The following NCKAP5 variants were observed in gnomAD, a reference collection of about 807,000 sequenced individuals.
NCKAP5 encodes NCK associated protein 5, also known as nck-associated protein 5.
A neutral mutation model predicts 167.0 loss-of-function variants in NCKAP5; 92 were observed. That is an observed-to-expected ratio of 0.55 (90% CI 0.47 to 0.66). The LOEUF (loss-of-function observed/expected upper bound fraction) is 0.66, where lower values mean the gene tolerates loss of function less well. Ranked by LOEUF, NCKAP5 falls within the 30% of genes least tolerant of loss-of-function variation. The probability of loss-of-function intolerance (pLI) is 0.00; values close to 1 mark genes in which losing one functional copy is unlikely to be tolerated. For synonymous variants in NCKAP5, 891 were observed against 877.4 expected, an observed-to-expected ratio of 1.02 and a Z score of -0.27; for missense variants, 2,378 against 2,315.0, an observed-to-expected ratio of 1.03 and a Z score of -0.56.
At chr2:133,135,550 G>T (rs543233517) in intron 5 of NCKAP5, among the ~76,000 whole-genome samples, 1 of 151,886 alleles carries the variant, frequency 6.6e-6, no homozygotes, top group Non-Finnish European at 1.5e-5. Context: ...TTCTGACTAC[G>T]GTATGGAGAA....
rs563028552 is a variant in NCKAP5, at chr2:133,385,656, G to A, written c.70-82546C>T. ...CCTCCTTGTACCTCTGGTAGAATTCGGCTGTGAATCCATCTGGTCCTGGAC... is the reference window on the plus strand; with the variant it reads ...CCTCCTTGTACCTCTGGTAGAATTCAGCTGTGAATCCATCTGGTCCTGGAC... On this transcript the variant is annotated intron_variant, in intron 3 of 19. Coordinates refer to ENST00000409261, the MANE Select transcript of NCKAP5 (RefSeq NM_207363.3). Among the ~76,000 whole-genome samples the A allele has an allele frequency of 2.7e-4, 41 of 152,180 alleles. No individual in the cohort carries two copies. The South Asian group carries it at 5.8e-3, about 22-fold the overall frequency.
At chr2:133,494,860 T>G (rs1211596008) in intron 3 of NCKAP5, among the ~76,000 whole-genome samples, 1 of 152,158 alleles carries the variant, frequency 6.6e-6, no homozygotes. Flanking sequence ...AAAATCTACA[T>G]TTTGTCGAGA....
At chr2:133,283,022 T>C (rs2089983266) in intron 4 of NCKAP5, among the ~76,000 whole-genome samples, 1 of 152,172 alleles carries the variant, frequency 6.6e-6, no homozygotes, top group Non-Finnish European at 1.5e-5. Context: ...AAGAAAGACA[T>C]AGGGTATTAA....
At chr2:133,628,937 C>G in the NCKAP5 span, among the ~76,000 whole-genome samples, 1 of 152,026 alleles carries the variant, frequency 6.6e-6, no homozygotes, top group East Asian at 1.9e-4. Flanking sequence ...TAGCCATATT[C>G]GGAAGATTGA....
chr2:133,042,636 T>C (rs1482770042), intron 6 of NCKAP5, among the ~76,000 whole-genome samples: 1 of 152,204 alleles, frequency 6.6e-6, no homozygotes, highest in Admixed American at 6.5e-5. Flanking sequence ...TATAAACTGA[T>C]CTAGATGTTG....
intron 7 of NCKAP5, among the ~76,000 whole-genome samples, chr2:132,976,429 T>A (rs372534823): frequency 2.9e-4 from 44 of 152,110 alleles, no homozygotes; most frequent in African/African-American, 1.0e-3. Flanking sequence ...CCGGGCATGG[T>A]GGCACACACC....
chr2:133,167,689 C>T (rs796998857), intron 5 of NCKAP5, among the ~76,000 whole-genome samples: 3 of 152,276 alleles, frequency 2.0e-5, no homozygotes, highest in South Asian at 4.1e-4. Flanking sequence ...CTTCTAGTTC[C>T]AGCTTTGACA....
chr2:133,287,519 A>G (rs1353201495), intron 4 of NCKAP5, among the ~76,000 whole-genome samples: 2 of 152,176 alleles, frequency 1.3e-5, no homozygotes, highest in East Asian at 3.9e-4. Context: ...ACAACTTTTA[A>G]TTTCCCTGTT....
intron 6 of NCKAP5, among the ~76,000 whole-genome samples, chr2:133,059,078 T>G (rs1431102887): frequency 6.6e-6 from 1 of 151,900 alleles, no homozygotes; most frequent in Non-Finnish European, 1.5e-5. Context: ...GGCGGGCAGA[T>G]CACGAGGTCA....
chr2:133,046,256 T>G (rs2079395807), intron 6 of NCKAP5, among the ~76,000 whole-genome samples: 1 of 152,220 alleles, frequency 6.6e-6, no homozygotes. Flanking sequence ...TTTTCAAAAT[T>G]TCTGCATTCC....
chr2:133,596,452 G>C, the NCKAP5 span: 1 of 152,364 alleles, frequency 6.6e-6, no homozygotes, highest in South Asian at 2.1e-4. Flanking sequence ...CACCACAAAG[G>C]AAGGAACAGC....
chr2:132,761,727 C>T (rs1355546531), intron 16 of NCKAP5, among the ~76,000 whole-genome samples: 2 of 152,160 alleles, frequency 1.3e-5, no homozygotes, highest in African/African-American at 2.4e-5. Context: ...ATTTTGGCTT[C>T]TGGTGAAAAA....
chr2:133,506,400 T>C (rs1683008875), intron 3 of NCKAP5, among the ~76,000 whole-genome samples: 1 of 152,190 alleles, frequency 6.6e-6, no homozygotes, highest in Non-Finnish European at 1.5e-5. Flanking sequence ...TCGTTTGGCC[T>C]CTCCAAATCT....
chr2:132,866,332 A>G (rs961326012), intron 10 of NCKAP5, among the ~76,000 whole-genome samples: 3 of 152,228 alleles, frequency 2.0e-5, no homozygotes, highest in African/African-American at 7.2e-5. Context: ...TATATTTCAG[A>G]TAACAATATG....
the NCKAP5 span, among the ~76,000 whole-genome samples, chr2:133,615,901 G>A: frequency 6.6e-6 from 1 of 151,404 alleles, no homozygotes. Flanking sequence ...ATAGTTGGAA[G>A]TAAAGCTCTC....
intron 3 of NCKAP5, among the ~76,000 whole-genome samples, chr2:133,383,912 G>T (rs182887648): frequency 0.02 from 3,046 of 152,090 alleles, 92 homozygotes; most frequent in African/African-American, 0.07. Context: ...TGATGGGGTT[G>T]TTTTTTTCTT....
In NCKAP5 at chr2:133,184,236, G is replaced by A. The variant is rs1241559557; in HGVS notation, c.207+29480C>T. ...ACCATATTTGGTTTTCTGTTCCTGT[G>A]TTAATTAGTTTATGATAATGGCCTC... On this transcript the variant is annotated intron_variant, in intron 5 of 19. Coordinates refer to ENST00000409261, the MANE Select transcript of NCKAP5 (RefSeq NM_207363.3). Among the ~76,000 whole-genome samples the A allele has an allele frequency of 2.0e-5, 3 of 152,078 alleles. No homozygotes were observed. In the East Asian group the frequency reaches 5.8e-4, roughly 29 times the overall value.
intron 3 of NCKAP5, among the ~76,000 whole-genome samples, chr2:133,435,930 C>A (rs947479481): frequency 6.6e-6 from 1 of 152,148 alleles, no homozygotes; most frequent in Non-Finnish European, 1.5e-5. Context: ...TCTACGCGAT[C>A]AAAACTGAAT....
intron 3 of NCKAP5, among the ~76,000 whole-genome samples, chr2:133,502,308 C>T (rs945141067): frequency 1.3e-5 from 2 of 152,150 alleles, no homozygotes; most frequent in Non-Finnish European, 2.9e-5. Flanking sequence ...TCCATGCAGA[C>T]GTTATGGGCC....
Sources: allele counts gnomAD v4.1 joint callset (sites outside exome capture counted in the v4.1 genomes callset), GRCh38; gene constraint gnomAD v4.1.1; transcripts MANE v1.5; gene names NCBI Gene and HGNC (gene_info 2026-07-23, HGNC 2026-07-21).